The following AGBL1 variants were observed in gnomAD, a reference collection of about 807,000 sequenced individuals.
AGBL1 encodes the protein AGBL carboxypeptidase 1.
In AGBL1, 130 loss-of-function variants were observed where a neutral mutation model predicts 118.9. That is an observed-to-expected ratio of 1.09 (90% CI 0.95 to 1.26). The LOEUF (loss-of-function observed/expected upper bound fraction) is 1.26, where lower values mean the gene tolerates loss of function less well. Among genes scored for constraint, AGBL1 ranks in the 50% most tolerant of loss-of-function variants. The pLI is 0.00. For missense variants in AGBL1, 1,584 were observed against 1,298.1 expected (o/e 1.22, Z -3.38); for synonymous variants, 555 against 478.9 (o/e 1.16, Z -2.08).
At chr15:86,393,732 T>A (rs2081321434) in intron 17 of AGBL1, among the ~76,000 whole-genome samples, 1 of 152,178 alleles carries the variant, frequency 6.6e-6, no homozygotes, top group African/African-American at 2.4e-5. Context: ...AGTCCTATGG[T>A]GCAGAACACC....
intron 24 of AGBL1, among the ~76,000 whole-genome samples, chr15:87,017,620 T>C (rs28860856): frequency 0.074 from 11,295 of 151,986 alleles, 1,423 homozygotes; most frequent in African/African-American, 0.26. Context: ...AGCAAAAAGA[T>C]CCCACAAAAA....
At chr15:86,134,587 T>C (rs1361794885) in intron 1 of AGBL1, among the ~76,000 whole-genome samples, 3 of 148,364 alleles carry the variant, frequency 2.0e-5, no homozygotes, top group Non-Finnish European at 3.0e-5. Context: ...TTTAAGACTG[T>C]GATGGATCAA....
chr15:86,978,588 A>T lies in AGBL1; in HGVS notation c.3222-9399A>T, dbSNP rs571006528. ...GTTACTGATGTAGGACCAAAATATA[A>T]ACCAGCTCAGAAACCTAGCCCCACC... On this transcript the variant is annotated intron_variant, in intron 23 of 24. Coordinates refer to the AGBL1 transcript ENST00000441037. 9.9e-5 allele frequency among the ~76,000 whole-genome samples: 15 copies of T among 152,236 alleles called. No homozygotes were observed. The South Asian group carries it at 2.9e-3, about 30-fold the overall frequency.
chr15:86,610,714 C>G (rs2084643684), intron 21 of AGBL1, among the ~76,000 whole-genome samples: 1 of 152,172 alleles, frequency 6.6e-6, no homozygotes, highest in Non-Finnish European at 1.5e-5. Context: ...TGAGACGTTC[C>G]AAGGTAGGTC....
intron 5 of AGBL1, among the ~76,000 whole-genome samples, chr15:86,220,652 A>G (rs2078266215): frequency 6.6e-6 from 1 of 152,196 alleles, no homozygotes; most frequent in South Asian, 2.1e-4. Flanking sequence ...GAGTTATCCT[A>G]CAGTATGAAA....
At position 86,271,666 on chromosome 15, in the gene AGBL1, C is replaced by T; in HGVS notation, c.2035C>T (p.Pro679Ser). 2 of 1,613,458 alleles carry T rather than the reference C, an allele frequency of 1.2e-6. No individual in the cohort carries two copies. The highest frequency in any genetic ancestry group is 1.7e-6 in the Non-Finnish European group (2 of 1,179,436). Residue 679 changes from proline (P) to serine (S), a missense_variant, in exon 15 of 23, where the codon CCC becomes TCC. Pro to Ser is a moderately conservative substitution (Grantham distance 74, BLOSUM62 -1). Coordinates refer to ENST00000614907, the MANE Select transcript of AGBL1 (RefSeq NM_001386094.1). The part of the protein sequence containing the change: ...YSVKEALLGK[P>S]TWIRTGHEIC... ...TGTGAAGGAGGCTCTTCTTGGCAAACCCACCTGGATAAGGACAGGCCATGA... is the reference window on the plus strand; with the variant it reads ...TGTGAAGGAGGCTCTTCTTGGCAAATCCACCTGGATAAGGACAGGCCATGA...
chr15:86,221,296 G>T (rs899634275), intron 5 of AGBL1, among the ~76,000 whole-genome samples: 13 of 152,148 alleles, frequency 8.5e-5, no homozygotes, highest in African/African-American at 2.9e-4. Context: ...CCAGCAGAAG[G>T]CAGTCTTGCA....
intron 22 of AGBL1, among the ~76,000 whole-genome samples, chr15:86,755,597 A>G (rs1373666079): frequency 6.6e-6 from 1 of 152,034 alleles, no homozygotes; most frequent in Non-Finnish European, 1.5e-5. Context: ...TCCCTGATTG[A>G]CAACCCTCTG....
intron 18 of AGBL1, among the ~76,000 whole-genome samples, chr15:86,425,303 A>G (rs2081853409): frequency 6.7e-6 from 1 of 148,472 alleles, no homozygotes. Flanking sequence ...AAAACCAAAC[A>G]CCACATGTTC....
At chr15:86,194,042 ATACTTGCT>A (rs1286511914) in intron 5 of AGBL1, among the ~76,000 whole-genome samples, 3 of 152,162 alleles carry the variant, frequency 2.0e-5, no homozygotes, top group Non-Finnish European at 4.4e-5. Flanking sequence ...TTCTGTCCTG[ATACTTGCT>A]CTTGACTTTG....
chr15:86,602,376 T>C (rs189763189), intron 21 of AGBL1, among the ~76,000 whole-genome samples: 1 of 152,326 alleles, frequency 6.6e-6, no homozygotes, highest in East Asian at 1.9e-4. Context: ...TAGCTGTTGA[T>C]GCTGTGATGT....
intron 1 of AGBL1, among the ~76,000 whole-genome samples, chr15:86,085,651 C>A (rs1895594276): frequency 6.6e-6 from 1 of 152,218 alleles, no homozygotes. Flanking sequence ...TCAGCCCCTC[C>A]TGTCGCTTAC....
In AGBL1 at chr15:86,266,978, A is replaced by G. The variant is rs1322746785; in HGVS notation, c.1752-12A>G. 3 of 1,551,926 alleles carry G rather than the reference A, an allele frequency of 1.9e-6. No homozygotes were observed. The highest frequency in any genetic ancestry group is 2.6e-6 in the Non-Finnish European group (3 of 1,142,618). ...TAACACATATGTTCACATGTTCCTT[A>G]TTTCATTGTAGGCCTTTGCAAGACA... On this transcript the variant is annotated splice_polypyrimidine_tract_variant and intron_variant, in intron 12 of 22. Coordinates refer to ENST00000614907, the MANE Select transcript of AGBL1 (RefSeq NM_001386094.1).
At chr15:86,762,961 A>G (rs574995643) in intron 22 of AGBL1, among the ~76,000 whole-genome samples, 26 of 152,096 alleles carry the variant, frequency 1.7e-4, no homozygotes, top group Admixed American at 5.3e-4. Context: ...GGAAAACACC[A>G]TAGCACTGTG....
At chr15:86,437,175 A>G (rs1287728871) in intron 18 of AGBL1, among the ~76,000 whole-genome samples, 1 of 152,202 alleles carries the variant, frequency 6.6e-6, no homozygotes, top group Admixed American at 6.5e-5. Flanking sequence ...GGACTAGAGA[A>G]GCTAAATAAG....
At chr15:86,119,862 A>G (rs559664878) in intron 1 of AGBL1, among the ~76,000 whole-genome samples, 16 of 152,290 alleles carry the variant, frequency 1.1e-4, no homozygotes, top group Admixed American at 5.2e-4. Flanking sequence ...AAAAGTAGAA[A>G]GATTCGAGTG....
chr15:86,287,887 G>C (rs1258226179), intron 16 of AGBL1, among the ~76,000 whole-genome samples: 1 of 152,102 alleles, frequency 6.6e-6, no homozygotes, highest in Non-Finnish European at 1.5e-5. Context: ...ATGAAGCACT[G>C]GTGCTAGTTT....
At chr15:86,694,852 C>T (rs2086229696) in intron 22 of AGBL1, among the ~76,000 whole-genome samples, 1 of 152,034 alleles carries the variant, frequency 6.6e-6, no homozygotes, top group Admixed American at 6.6e-5. Flanking sequence ...TTGAGATGAT[C>T]ATGTGATTTT....
chr15:86,905,200 C>T (rs2080265615), intron 22 of AGBL1, among the ~76,000 whole-genome samples: 1 of 152,106 alleles, frequency 6.6e-6, no homozygotes, highest in African/African-American at 2.4e-5. Flanking sequence ...ACAAGTACGA[C>T]TTGACAACTT....
Sources: gnomAD v4.1 joint callset for allele counts (sites outside exome capture counted in the v4.1 genomes callset) on GRCh38, gnomAD v4.1.1 for gene constraint, MANE v1.5 for transcripts, NCBI Gene and HGNC (gene_info 2026-07-23, HGNC 2026-07-21) for gene names.